The following SEC11A variants were observed in gnomAD, a reference collection of about 807,000 sequenced individuals.
The protein encoded by SEC11A is signal peptidase complex catalytic subunit SEC11A.
In SEC11A, 14 loss-of-function variants were observed where a neutral mutation model predicts 25.6. The ratio of observed to expected loss-of-function variants is 0.55; its 90% CI spans 0.36 to 0.85. SEC11A has a LOEUF of 0.85. SEC11A is among the 40% of genes least tolerant of loss of function. The probability of loss-of-function intolerance (pLI) is 0.01; values close to 1 mark genes in which losing one functional copy is unlikely to be tolerated. For missense variants in SEC11A, 153 were observed against 222.9 expected (o/e 0.69, Z 2.00); for synonymous variants, 83 against 76.4 (o/e 1.09, Z -0.45).
At chr15:84,706,304 C>T (rs999448287) in intron 1 of SEC11A, among the ~76,000 whole-genome samples, 29 of 152,150 alleles carry the variant, frequency 1.9e-4, no homozygotes, top group African/African-American at 7.0e-4. Flanking sequence ...TTGGTCACTT[C>T]GGGCTCCTCA....
chr15:84,678,223 CAAAAAAAAGAAAAGAA>C (rs747988428), intron 4 of SEC11A, among the ~76,000 whole-genome samples: 8 of 141,438 alleles, frequency 5.7e-5, no homozygotes, highest in Non-Finnish European at 1.1e-4. Flanking sequence ...GACTCTGCCT[CAAAAAAAAGAAAAGAA>C]AAAAAAAAGA....
At position 84,692,530 on chromosome 15, in the gene SEC11A, A is replaced by C. The variant is rs1272423912; in HGVS notation, c.52-886T>G. Among the ~76,000 whole-genome samples the C allele has an allele frequency of 3.3e-5, 5 of 152,364 alleles. No homozygotes were observed. In the East Asian group the frequency reaches 9.6e-4, roughly 29 times the overall value. The stretch of plus-strand genomic sequence containing the variant: ...AATTTCCAGTACTCCAACAAACTCT[A>C]AAATTCTGTGACTTGAATAAACAGA... On this transcript the variant is annotated intron_variant, in intron 1 of 5. Transcript: ENST00000268220.
At chr15:84,707,494 T>C (rs1427273446) in intron 1 of SEC11A, among the ~76,000 whole-genome samples, 2 of 152,194 alleles carry the variant, frequency 1.3e-5, no homozygotes, top group African/African-American at 4.8e-5. Context: ...GAGGTTTTAT[T>C]ACTATAATAA....
intron 3 of SEC11A, among the ~76,000 whole-genome samples, chr15:84,681,743 T>A (rs971073707): frequency 6.6e-6 from 1 of 151,984 alleles, no homozygotes; most frequent in African/African-American, 2.4e-5. Context: ...TATGACACAA[T>A]TGGGGATTTG....
chr15:84,698,966 T>A (rs1897843858), intron 1 of SEC11A, among the ~76,000 whole-genome samples: 1 of 152,170 alleles, frequency 6.6e-6, no homozygotes, highest in Non-Finnish European at 1.5e-5. Context: ...GGAATACTAC[T>A]CAGGAATACA....
intron 1 of SEC11A, among the ~76,000 whole-genome samples, chr15:84,707,909 G>C (rs918292449): frequency 1.3e-5 from 2 of 152,070 alleles, no homozygotes; most frequent in African/African-American, 2.4e-5. Context: ...ATTTCTGGCT[G>C]TTCAAAAGAA....
intron 1 of SEC11A, among the ~76,000 whole-genome samples, chr15:84,712,043 C>A (rs1898287563): frequency 6.6e-6 from 1 of 151,922 alleles, no homozygotes; most frequent in South Asian, 2.1e-4. Context: ...GAATTTGAGA[C>A]CAGCTTGGGC....
intron 4 of SEC11A, among the ~76,000 whole-genome samples, chr15:84,678,805 C>T (rs1281489302): frequency 6.6e-6 from 1 of 151,976 alleles, no homozygotes; most frequent in Admixed American, 6.6e-5. Context: ...CCAGCCTGGG[C>T]AACATATCGA....
chr15:84,681,359 G>T (rs1237708334), intron 3 of SEC11A, among the ~76,000 whole-genome samples: 1 of 152,248 alleles, frequency 6.6e-6, no homozygotes, highest in African/African-American at 2.4e-5. Flanking sequence ...GCCAGGCGCG[G>T]TGGCTCACGC....
At chr15:84,712,981 C>A (rs964981919) in intron 1 of SEC11A, among the ~76,000 whole-genome samples, 4 of 151,948 alleles carry the variant, frequency 2.6e-5, no homozygotes, top group East Asian at 3.9e-4. Context: ...CCGAGGCAGG[C>A]GGATCACAAG....
intron 1 of SEC11A, among the ~76,000 whole-genome samples, chr15:84,696,830 C>T (rs780347206): frequency 1.9e-4 from 29 of 151,948 alleles, no homozygotes; most frequent in Non-Finnish European, 3.1e-4. Context: ...CAAAAGGGCT[C>T]GGTTATAGAG....
chr15:84,703,261 G>C (rs1898001218), intron 1 of SEC11A, among the ~76,000 whole-genome samples: 1 of 152,168 alleles, frequency 6.6e-6, no homozygotes, highest in Non-Finnish European at 1.5e-5. Context: ...CGGATGCCTG[G>C]ACGCTGTCAG....
chr15:84,681,081 G>C (rs901458148), intron 3 of SEC11A, among the ~76,000 whole-genome samples: 3 of 152,086 alleles, frequency 2.0e-5, no homozygotes, highest in African/African-American at 7.2e-5. Context: ...TGGTATAGAA[G>C]AATGACAAGA....
chr15:84,676,769 A>G (rs1270380536), intron 4 of SEC11A, among the ~76,000 whole-genome samples: 18 of 148,502 alleles, frequency 1.2e-4, no homozygotes, highest in Admixed American at 1.2e-3. Flanking sequence ...TTGGGCAACA[A>G]GAGCAAAACT....
At chr15:84,705,382 C>A (rs1248222577) in intron 1 of SEC11A, among the ~76,000 whole-genome samples, 1 of 152,156 alleles carries the variant, frequency 6.6e-6, no homozygotes, top group African/African-American at 2.4e-5. Context: ...AGCTAGGTGG[C>A]AACACTTTGT....
At chr15:84,707,173 G>A (rs1227463544) in intron 1 of SEC11A, among the ~76,000 whole-genome samples, 1 of 144,128 alleles carries the variant, frequency 6.9e-6, no homozygotes, top group East Asian at 2.0e-4. Context: ...TCCTACAATT[G>A]TGTGAGACTT....
intron 4 of SEC11A, among the ~76,000 whole-genome samples, 191 bp downstream of exon 4, chr15:84,680,522 C>T (rs999446522): frequency 6.6e-6 from 1 of 152,126 alleles, no homozygotes; most frequent in African/African-American, 2.4e-5. Context: ...CACCCAGTTC[C>T]TCACCTTTGG....
chr15:84,704,490 G>A (rs916852885), intron 1 of SEC11A, among the ~76,000 whole-genome samples: 6 of 152,036 alleles, frequency 3.9e-5, no homozygotes, highest in Admixed American at 6.6e-5. Flanking sequence ...CAAATCCTCC[G>A]CCAGCTAGCT....
At chr15:84,706,441 G>A (rs969728763) in intron 1 of SEC11A, among the ~76,000 whole-genome samples, 10 of 152,054 alleles carry the variant, frequency 6.6e-5, no homozygotes, top group African/African-American at 2.4e-4. Context: ...GGGGATCTCT[G>A]GGGCCCCTCA....
Sources: allele counts gnomAD v4.1 joint callset (sites outside exome capture counted in the v4.1 genomes callset), GRCh38; gene constraint gnomAD v4.1.1; transcripts MANE v1.5; gene names NCBI Gene and HGNC (gene_info 2026-07-23, HGNC 2026-07-21).